Variants in NREP observed in about 807,000 individuals in gnomAD.
NREP encodes neuronal regeneration-related protein.
In NREP, 5 loss-of-function variants were observed where a neutral mutation model predicts 8.6. That is an observed-to-expected ratio of 0.58 (90% CI 0.30 to 1.22). The LOEUF is 1.22. Ranked by LOEUF, NREP falls within the 50% of genes most tolerant of loss-of-function variation. The pLI is 0.07. For missense variants in NREP, 86 were observed against 82.5 expected, an observed-to-expected ratio of 1.04 and a Z score of -0.17; for synonymous variants, 27 against 28.0, an observed-to-expected ratio of 0.96 and a Z score of 0.11.
At chr5:111,811,850 G>C (rs1752276539) in intron 2 of NREP, among the ~76,000 whole-genome samples, 1 of 152,084 alleles carries the variant, frequency 6.6e-6, no homozygotes, top group Non-Finnish European at 1.5e-5. Flanking sequence ...TATCCTCACT[G>C]ATACTGAGTC....
intron 2 of NREP, among the ~76,000 whole-genome samples, chr5:111,767,995 C>T (rs1751126162): frequency 6.6e-6 from 1 of 152,122 alleles, no homozygotes; most frequent in Admixed American, 6.6e-5. Flanking sequence ...AAATATAATG[C>T]ACCTATTTAA....
chr5:111,908,818 T>C (rs1249807328), intron 2 of NREP, among the ~76,000 whole-genome samples: 1 of 151,976 alleles, frequency 6.6e-6, no homozygotes, highest in East Asian at 1.9e-4. Flanking sequence ...GGTCAAATGG[T>C]AGTTCTATTT....
At chr5:111,971,256 C>G (rs1023834923) in intron 2 of NREP, among the ~76,000 whole-genome samples, 1 of 152,098 alleles carries the variant, frequency 6.6e-6, no homozygotes, top group African/African-American at 2.4e-5. Flanking sequence ...ATATGTCTCC[C>G]CATCCATATA....
rs112517729 is a variant in NREP, at chr5:111,777,840, T to C, written c.136-42333A>G. ...TGGCCAGGTCCCAATTGTATTCTCC[T>C]AGTAGGTCCCATCACTTTCCCCATC... On this transcript the variant is annotated intron_variant, in intron 2 of 3. Coordinates refer to the NREP transcript ENST00000395634. Among the ~76,000 whole-genome samples the C allele has an allele frequency of 4.6e-5, 7 of 152,204 alleles. 1 individual carries two copies. Among genetic ancestry groups the C allele is most frequent in the African/African-American group, 1.7e-4 (7 of 41,544 alleles).
chr5:111,900,190 G>A (rs1233823473), intron 2 of NREP, among the ~76,000 whole-genome samples: 1 of 151,850 alleles, frequency 6.6e-6, no homozygotes, highest in Non-Finnish European at 1.5e-5. Flanking sequence ...ATGCTCATGG[G>A]TCAAGGAAGA....
chr5:111,976,876 C>A (rs764696211), exon 1 of NREP: 29 of 632,146 alleles, frequency 4.6e-5, no homozygotes, highest in Non-Finnish European at 7.8e-5. Flanking sequence ...TGATAAATAG[C>A]ATGATTGCAC....
At chr5:111,962,583 C>T (rs1178432367) in intron 2 of NREP, among the ~76,000 whole-genome samples, 1 of 152,188 alleles carries the variant, frequency 6.6e-6, no homozygotes, top group African/African-American at 2.4e-5. Flanking sequence ...ATCCCTGAGC[C>T]AAAAAGCTTG....
intron 2 of NREP, among the ~76,000 whole-genome samples, chr5:111,896,168 G>C (rs1364762612): frequency 6.6e-6 from 1 of 152,120 alleles, no homozygotes; most frequent in African/African-American, 2.4e-5. Flanking sequence ...ATTGGTAGGA[G>C]GCTATTGAAA....
At chr5:111,886,061 G>A (rs1046589660) in intron 2 of NREP, among the ~76,000 whole-genome samples, 65 of 152,086 alleles carry the variant, frequency 4.3e-4, no homozygotes, top group African/African-American at 1.2e-3. Flanking sequence ...GAAAATTTTC[G>A]CAACCTACTC....
chr5:111,964,718 T>TA lies in NREP; in HGVS notation c.135+10555dup, dbSNP rs1183647524. 2.0e-5 allele frequency among the ~76,000 whole-genome samples: 3 copies of TA among 151,900 alleles called. No individual in the cohort carries two copies. The South Asian group carries it at 6.2e-4, about 32-fold the overall frequency. ...GGCTGTGTCCAGTTTGGCTCTATTA[T>TA]AAAAAATATTATGAACATTCTTAAA... On this transcript the variant is annotated intron_variant, in intron 2 of 3. Coordinates refer to the NREP transcript ENST00000395634.
At chr5:111,748,991 A>T (rs574784219) in intron 2 of NREP, among the ~76,000 whole-genome samples, 117 of 152,290 alleles carry the variant, frequency 7.7e-4, no homozygotes, top group African/African-American at 2.8e-3. Context: ...ATTCAAATTC[A>T]GTCTTGAAGA....
At chr5:111,856,310 C>T (rs1753426175) in intron 2 of NREP, among the ~76,000 whole-genome samples, 1 of 152,170 alleles carries the variant, frequency 6.6e-6, no homozygotes, top group Non-Finnish European at 1.5e-5. Context: ...CAGATAGTGT[C>T]AGAGCCTCTA....
chr5:111,865,884 T>C (rs926838764), intron 2 of NREP, among the ~76,000 whole-genome samples: 2 of 152,130 alleles, frequency 1.3e-5, no homozygotes, highest in African/African-American at 4.8e-5. Context: ...AAACTACATT[T>C]TGGAGAAGAC....
intron 2 of NREP, among the ~76,000 whole-genome samples, chr5:111,772,282 A>C (rs1370848176): frequency 1.3e-5 from 2 of 152,178 alleles, no homozygotes; most frequent in Non-Finnish European, 2.9e-5. Flanking sequence ...TCCACTCCTG[A>C]TAAATAACCA....
intron 2 of NREP, among the ~76,000 whole-genome samples, chr5:111,743,065 A>G (rs1221919996): frequency 6.6e-6 from 1 of 152,200 alleles, no homozygotes; most frequent in East Asian, 1.9e-4. Flanking sequence ...ATGGCTGGTA[A>G]CAGCCCAAAG....
At chr5:111,874,811 A>G (rs1312399145) in intron 2 of NREP, among the ~76,000 whole-genome samples, 2 of 152,124 alleles carry the variant, frequency 1.3e-5, no homozygotes, top group Non-Finnish European at 2.9e-5. Context: ...GCTCTCTTCT[A>G]TACTCCCCAT....
At chr5:111,880,476 C>G (rs558935658) in intron 2 of NREP, among the ~76,000 whole-genome samples, 2 of 152,252 alleles carry the variant, frequency 1.3e-5, no homozygotes, top group Non-Finnish European at 2.9e-5. Context: ...GGCATGGCTA[C>G]TTCTCATTGT....
At chr5:111,860,416 G>A (rs1430039999) in intron 2 of NREP, among the ~76,000 whole-genome samples, 1 of 152,086 alleles carries the variant, frequency 6.6e-6, no homozygotes, top group African/African-American at 2.4e-5. Flanking sequence ...ATCAGTTAGT[G>A]ATGAGACCCA....
rs371424203 is a variant in NREP at position 111,828,317 on chromosome 5, C to T, written c.136-92810G>A. ...GTGTTGGGATTACAGGCGTGAGACA[C>T]CGCGCCCGGCCGGATATTTGTTTTC... On this transcript the variant is annotated intron_variant, in intron 2 of 3. Transcript: ENST00000395634. 5.9e-4 allele frequency among the ~76,000 whole-genome samples: 90 copies of T among 152,214 alleles called. 1 individual carries two copies. Among genetic ancestry groups the T allele is most frequent in the African/African-American group, 2.1e-3 (89 of 41,542 alleles).
Sources: allele counts gnomAD v4.1 joint callset (sites outside exome capture counted in the v4.1 genomes callset), GRCh38; gene constraint gnomAD v4.1.1; transcripts MANE v1.5; gene names NCBI Gene and HGNC (gene_info 2026-07-23, HGNC 2026-07-21).